Variants in SLC37A3 observed in about 807,000 individuals in gnomAD.
The protein encoded by SLC37A3 is solute carrier family 37 member 3, also known as sugar phosphate exchanger 3.
Under a neutral mutation model 67.1 loss-of-function variants are expected in SLC37A3, and 51 were observed. The ratio of observed to expected loss-of-function variants is 0.76; its 90% confidence interval spans 0.61 to 0.96. The LOEUF is 0.96. Ranked by LOEUF, SLC37A3 falls within the 40% of genes least tolerant of loss-of-function variation. The pLI is 0.00. For synonymous variants in SLC37A3, 214 were observed against 231.4 expected (o/e 0.92, Z 0.68); for missense variants, 508 against 603.0 (o/e 0.84, Z 1.65).
chr7:140,368,554 C>T (rs1797697933), intron 4 of SLC37A3, among the ~76,000 whole-genome samples: 1 of 151,886 alleles, frequency 6.6e-6, no homozygotes, highest in Admixed American at 6.6e-5. Flanking sequence ...GCGACAAGTG[C>T]AAAACTCTGT....
At chr7:140,362,279 G>A (rs1292863389) in intron 5 of SLC37A3, among the ~76,000 whole-genome samples, 3 of 139,300 alleles carry the variant, frequency 2.2e-5, no homozygotes, top group South Asian at 5.2e-4. Flanking sequence ...CTGCCCGGCC[G>A]CCCCGTCTGA....
At chr7:140,390,516 C>G (rs1585380435) in intron 1 of SLC37A3, among the ~76,000 whole-genome samples, 1 of 152,092 alleles carries the variant, frequency 6.6e-6, no homozygotes, top group East Asian at 1.9e-4. Context: ...CTGGGCCGCT[C>G]TCTTCTTGCC....
intron 5 of SLC37A3, among the ~76,000 whole-genome samples, chr7:140,359,404 C>T (rs919287585): frequency 6.6e-5 from 10 of 151,794 alleles, no homozygotes; most frequent in African/African-American, 2.4e-4. Flanking sequence ...CACCCTCAGA[C>T]TGTGCATGTG....
chr7:140,348,465 T>TTC, intron 10 of SLC37A3, 161 bp downstream of exon 10: 1 of 482,370 alleles, frequency 2.1e-6, no homozygotes, highest in Non-Finnish European at 3.1e-6. Flanking sequence ...TTCTTTTCTT[T>TTC]TTTTTTTTTT....
intron 5 of SLC37A3, among the ~76,000 whole-genome samples, chr7:140,361,099 G>A (rs1797249439): frequency 6.6e-6 from 1 of 152,042 alleles, no homozygotes; most frequent in Non-Finnish European, 1.5e-5. Context: ...GCCAATGCTT[G>A]AAGGAGACTG....
chr7:140,396,890 TTTTG>T lies in SLC37A3; in HGVS notation c.-71+1522_-71+1525del, dbSNP rs1207184558. 2.6e-4 allele frequency among the ~76,000 whole-genome samples: 20 copies of T among 76,594 alleles called. No homozygotes were observed. The East Asian group carries it at 5.6e-3, about 22-fold the overall frequency. The allele number at this position is 76,594 out of a possible 152,430, so 50.2% of individuals were successfully genotyped here. On this transcript the variant is annotated intron_variant, in intron 1 of 14. Transcript: ENST00000326232. Reference sequence around the variant, plus strand: ...TCTGAATCTCAATTTCTGTTTTTTTTTTTGTTTTTTTTTTTTTGACAGAGTCTGA... The same window carrying T: ...TCTGAATCTCAATTTCTGTTTTTTTTTTTTTTTTTTTTTGACAGAGTCTGA...
intron 4 of SLC37A3, among the ~76,000 whole-genome samples, chr7:140,367,309 C>T (rs544513077): frequency 6.6e-6 from 1 of 152,054 alleles, no homozygotes; most frequent in South Asian, 2.1e-4. Flanking sequence ...TGATGGTGTG[C>T]ACCTGTAATC....
intron 9 of SLC37A3, 47 bp downstream of exon 9, chr7:140,351,226 G>T (rs372005159): frequency 6.4e-7 from 1 of 1,560,796 alleles, no homozygotes; most frequent in Non-Finnish European, 8.7e-7. Context: ...GAGATGTCAC[G>T]GGCTCTCATA....
At chr7:140,398,150 A>G (rs1799013151) in intron 1 of SLC37A3, among the ~76,000 whole-genome samples, 1 of 152,084 alleles carries the variant, frequency 6.6e-6, no homozygotes, top group African/African-American at 2.4e-5. Context: ...CCTCTGCCGC[A>G]TGGATCGGGG....
At chr7:140,391,190 C>CGTGG (rs35750986) in intron 1 of SLC37A3, among the ~76,000 whole-genome samples, 2 of 151,510 alleles carry the variant, frequency 1.3e-5, no homozygotes, top group African/African-American at 4.9e-5. Context: ...GTCAACAATT[C>CGTGG]CCAGATTCAT....
chr7:140,340,488 G>A (rs1340196362), intron 13 of SLC37A3, among the ~76,000 whole-genome samples: 1 of 152,024 alleles, frequency 6.6e-6, no homozygotes, highest in Non-Finnish European at 1.5e-5. Context: ...TTACTGAAAT[G>A]TACAAGTGAA....
intron 1 of SLC37A3, among the ~76,000 whole-genome samples, chr7:140,388,752 A>C (rs1183956886): frequency 6.6e-6 from 1 of 152,014 alleles, no homozygotes; most frequent in Non-Finnish European, 1.5e-5. Context: ...CAGAGGTTGC[A>C]GTGCCAAGAT....
chr7:140,363,175 G>T (rs1166522269), intron 5 of SLC37A3, among the ~76,000 whole-genome samples: 1 of 85,568 alleles, frequency 1.2e-5, no homozygotes, highest in African/African-American at 4.3e-5. Flanking sequence ...GCCCGGCCAC[G>T]ACCCCGTCTG....
chr7:140,353,994 GCCA>G (rs1796922210), intron 7 of SLC37A3, among the ~76,000 whole-genome samples: 1 of 152,208 alleles, frequency 6.6e-6, no homozygotes, highest in South Asian at 2.1e-4. Flanking sequence ...ACAGGCGTGA[GCCA>G]CCACACCTGG....
At chr7:140,346,648 C>T (rs1238992926) in intron 10 of SLC37A3, among the ~76,000 whole-genome samples, 1 of 152,164 alleles carries the variant, frequency 6.6e-6, no homozygotes, top group Non-Finnish European at 1.5e-5. Flanking sequence ...GCCTATAATC[C>T]CAGCACTTTG....
intron 5 of SLC37A3, among the ~76,000 whole-genome samples, chr7:140,364,111 C>T (rs1380075195): frequency 6.6e-6 from 1 of 152,108 alleles, no homozygotes. Context: ...ATCACCCAGG[C>T]GTGGTGAGCT....
intron 1 of SLC37A3, chr7:140,386,813 C>T (rs894571957): frequency 8.5e-5 from 13 of 152,048 alleles, no homozygotes; most frequent in African/African-American, 3.1e-4. Flanking sequence ...CAGGCAGTGT[C>T]CCACCCAAGC....
intron 7 of SLC37A3, among the ~76,000 whole-genome samples, chr7:140,354,635 A>G (rs939449030): frequency 1.3e-5 from 2 of 152,032 alleles, no homozygotes; most frequent in Admixed American, 1.3e-4. Context: ...CATGCTTTAC[A>G]TGAGCTATAC....
chr7:140,360,543 G>A (rs924682335), intron 5 of SLC37A3, among the ~76,000 whole-genome samples: 5 of 151,800 alleles, frequency 3.3e-5, no homozygotes, highest in Non-Finnish European at 5.9e-5. Flanking sequence ...AGACTAGCCT[G>A]GCCAACATGG....
Sources: allele counts gnomAD v4.1 joint callset (sites outside exome capture counted in the v4.1 genomes callset), GRCh38; gene constraint gnomAD v4.1.1; transcripts MANE v1.5; gene names NCBI Gene and HGNC (gene_info 2026-07-23, HGNC 2026-07-21).